Variants in HORMAD1 observed in about 807,000 individuals in gnomAD.
HORMAD1 encodes the protein HORMA domain containing 1, also known as HORMA domain-containing protein 1.
A neutral mutation model predicts 58.2 loss-of-function variants in HORMAD1; 33 were observed. That is an observed-to-expected ratio of 0.57 (90% CI 0.43 to 0.76). HORMAD1 has a LOEUF of 0.76. HORMAD1 is among the 30% of genes least tolerant of loss of function. The probability of loss-of-function intolerance (pLI) is 0.00; values close to 1 mark genes in which losing one functional copy is unlikely to be tolerated. For missense variants in HORMAD1, 363 were observed against 462.0 expected (o/e 0.79, Z 1.96); for synonymous variants, 137 against 144.6 (o/e 0.95, Z 0.38).
chr1:150,706,404 T>C (rs587647450), intron 10 of HORMAD1, 149 bp downstream of exon 10: 43 of 674,888 alleles, frequency 6.4e-5, no homozygotes, highest in Non-Finnish European at 1.0e-4. Flanking sequence ...TTTAAAACCA[T>C]AGGCCTAGAC....
At chr1:150,702,784 T>A (rs1037492293) in intron 13 of HORMAD1, among the ~76,000 whole-genome samples, 2 of 152,112 alleles carry the variant, frequency 1.3e-5, no homozygotes, top group African/African-American at 4.8e-5. Flanking sequence ...AAATAGCTAA[T>A]GCATGTGGGG....
chr1:150,711,399 G>C, intron 7 of HORMAD1, 146 bp downstream of exon 7: 1 of 654,310 alleles, frequency 1.5e-6, no homozygotes, highest in Non-Finnish European at 2.7e-6. Context: ...CCTCAGAAGA[G>C]TTTTATGAAG....
rs759212389 is a variant in HORMAD1 at position 150,704,348 on chromosome 1, A to G, written c.805-5T>C. 4 of 1,543,930 alleles carry G rather than the reference A, an allele frequency of 2.6e-6. No homozygotes were observed. The highest frequency in any genetic ancestry group is 1.2e-5 in the South Asian group (1 of 82,840). ...AGTTTCAATGTCCAAATCATCCTAC[A>G]TAATTATGTGAAGAAAAAAATTGAC... On this transcript the variant is annotated splice_polypyrimidine_tract_variant and splice_region_variant and intron_variant, in intron 10 of 14. Coordinates refer to ENST00000361824, the MANE Select transcript of HORMAD1 (RefSeq NM_032132.5).
At chr1:150,712,653 A>AT (rs1294373908) in intron 5 of HORMAD1, among the ~76,000 whole-genome samples, 2 of 152,140 alleles carry the variant, frequency 1.3e-5, no homozygotes, top group African/African-American at 4.8e-5. Context: ...GGTTCAAGCG[A>AT]TTCTCCTGCC....
intron 14 of HORMAD1, chr1:150,698,958 T>C: frequency 2.5e-6 from 1 of 394,998 alleles, no homozygotes; most frequent in East Asian, 4.3e-5. Context: ...TAATCTTCAG[T>C]AGGGCTGCTC....
At chr1:150,715,221 A>G (rs1319965350) in intron 3 of HORMAD1, among the ~76,000 whole-genome samples, 1 of 152,208 alleles carries the variant, frequency 6.6e-6, no homozygotes, top group Non-Finnish European at 1.5e-5. Flanking sequence ...GTACAAAAAT[A>G]TTTCATAAAA....
chr1:150,704,582 T>C (rs968310330), intron 10 of HORMAD1, among the ~76,000 whole-genome samples: 1 of 152,050 alleles, frequency 6.6e-6, no homozygotes, highest in African/African-American at 2.4e-5. Context: ...CTCGTCTCTA[T>C]GAAAAAATTT....
chr1:150,700,167 G>T lies in HORMAD1; in HGVS notation c.1049C>A (p.Pro350Gln). The change falls in exon 14 of 15, where the codon CCA (proline) becomes CAA (glutamine). Residue 350 changes from proline to glutamine, a missense_variant. By Grantham distance (76) the Pro-to-Gln change is moderately conservative. Coordinates refer to ENST00000361824, the MANE Select transcript of HORMAD1 (RefSeq NM_032132.5). ...CCGATTTTCTTTGGAAGATTTTACTGGTTGATTTCCATTTGCCTCCACAAA... is the reference window on the plus strand; with the variant it reads ...CCGATTTTCTTTGGAAGATTTTACTTGTTGATTTCCATTTGCCTCCACAAA... ...FQNKMANGNQ[P>Q]VKSSKENRKR... The T allele has an allele frequency of 6.3e-7, 1 of 1,577,730 alleles. No homozygotes were observed. The highest frequency in any genetic ancestry group is 8.7e-7 in the Non-Finnish European group (1 of 1,147,792).
intron 11 of HORMAD1, 23 bp downstream of exon 11, chr1:150,704,254 G>A: frequency 5.9e-6 from 9 of 1,529,308 alleles, no homozygotes; most frequent in Non-Finnish European, 8.0e-6. Context: ...GTGAGTTAAT[G>A]TACATTTTCA....
At position 150,706,637 on chromosome 1, in the gene HORMAD1, T is replaced by C. The variant is rs747196178; in HGVS notation, c.720A>G (p.Ile240Met). The change falls in exon 10 of 15, where the codon ATA (isoleucine) becomes ATG (methionine). Residue 240 changes from isoleucine (I) to methionine (M), a missense_variant. Transcript: ENST00000361824. ...GTGTTTTTATTTGTTTTGGTGATAG[T>C]ATAGTTGAGTCAATATTTTCCATTC... ...RERMENIDST[I>M]LSPKQIKTPF... The C allele has an allele frequency of 1.9e-6, 3 of 1,613,568 alleles. No individual in the cohort carries two copies. The highest frequency in any genetic ancestry group is 1.1e-5 in the South Asian group (1 of 91,064).
At chr1:150,714,305 A>G (rs1264349586) in intron 4 of HORMAD1, among the ~76,000 whole-genome samples, 184 bp from the exon 5 acceptor site, 3 of 152,232 alleles carry the variant, frequency 2.0e-5, no homozygotes, top group African/African-American at 7.2e-5. Flanking sequence ...ATGTAAAATG[A>G]TGATAGAGAT....
At chr1:150,707,608 T>C (rs914587456) in intron 9 of HORMAD1, among the ~76,000 whole-genome samples, 3 of 152,216 alleles carry the variant, frequency 2.0e-5, no homozygotes, top group Non-Finnish European at 2.9e-5. Flanking sequence ...CCTCTAAAAA[T>C]GTTGCACCTG....
chr1:150,718,079 T>C (rs1652141329), intron 2 of HORMAD1, among the ~76,000 whole-genome samples: 1 of 152,196 alleles, frequency 6.6e-6, no homozygotes, highest in Non-Finnish European at 1.5e-5. Flanking sequence ...GGGACACCCA[T>C]ATAAAGTGTT....
chr1:150,713,302 T>C (rs192732086), intron 5 of HORMAD1, among the ~76,000 whole-genome samples: 2 of 152,354 alleles, frequency 1.3e-5, no homozygotes, highest in Admixed American at 1.3e-4. Context: ...GGACCTTTTT[T>C]GTTTTGTTGA....
chr1:150,720,154 A>C (rs1458145079), intron 1 of HORMAD1, among the ~76,000 whole-genome samples: 1 of 151,584 alleles, frequency 6.6e-6, no homozygotes, highest in African/African-American at 2.4e-5. Context: ...GGCTCACCGC[A>C]ACCTCCCCCT....
chr1:150,715,383 C>T (rs999020399), intron 3 of HORMAD1, among the ~76,000 whole-genome samples: 9 of 152,102 alleles, frequency 5.9e-5, no homozygotes, highest in Non-Finnish European at 1.2e-4. Context: ...ACATGTAACA[C>T]AGTGGAAAAG....
Position 150,717,287 on chromosome 1 carries a change from A to T in HORMAD1, c.34-5T>A, listed in dbSNP as rs758775629. 22 of 1,503,100 alleles carry T rather than the reference A, an allele frequency of 1.5e-5. No homozygotes were observed. Among genetic ancestry groups the T allele is most frequent in the Non-Finnish European group, 1.8e-5 (20 of 1,119,760 alleles). The allele number at this position is 1,503,100 out of a possible 1,614,324, so 93.1% of individuals were successfully genotyped here. On this transcript the variant is annotated splice_region_variant and splice_polypyrimidine_tract_variant and intron_variant, in intron 2 of 14. Transcript: ENST00000361824. ...ATTGGGAAATACCAGTGCACTCTAA[A>T]ATTCAAGGGAAAGTAGAACACTTTA...
At chr1:150,715,804 T>G (rs1385028974) in intron 3 of HORMAD1, among the ~76,000 whole-genome samples, 1 of 152,048 alleles carries the variant, frequency 6.6e-6, no homozygotes, top group Non-Finnish European at 1.5e-5. Flanking sequence ...ATTGATTTCT[T>G]TCATCATTAT....
At chr1:150,714,002 A>C (rs1651985288) in intron 5 of HORMAD1, 83 bp downstream of exon 5, 1 of 877,610 alleles carries the variant, frequency 1.1e-6, no homozygotes. Context: ...GTTCAAATGA[A>C]TGTTTTACTA....
Sources: gnomAD v4.1 joint callset for allele counts (sites outside exome capture counted in the v4.1 genomes callset) on GRCh38, gnomAD v4.1.1 for gene constraint, MANE v1.5 for transcripts, NCBI Gene and HGNC (gene_info 2026-07-23, HGNC 2026-07-21) for gene names.